Variants in PLAC1 observed in about 807,000 individuals in gnomAD.
PLAC1 encodes the protein placenta associated 1, also known as placenta-specific protein 1.
For missense variants in PLAC1, 136 were observed against 163.2 expected (o/e 0.83, Z 0.91); for synonymous variants, 68 against 62.1 (o/e 1.09, Z -0.44).
intron 1 of PLAC1, among the ~76,000 whole-genome samples, chrX:134,620,494 T>A (rs1034669359): frequency 8.9e-6 from 1 of 112,331 alleles, no homozygotes; most frequent in African/African-American, 3.2e-5. Context: ...AAGTCATAGA[T>A]CCTATGTGGT....
At chrX:134,655,317 ATCAG>A (rs1243747987) in intron 1 of PLAC1, among the ~76,000 whole-genome samples, 9 of 97,528 alleles carry the variant, frequency 9.2e-5, no homozygotes, top group Non-Finnish European at 1.2e-4. Context: ...TTCTGTTTCT[ATCAG>A]TCAATCTATT....
intron 1 of PLAC1, among the ~76,000 whole-genome samples, chrX:134,610,992 C>T (rs1441389576): frequency 9.1e-6 from 1 of 110,456 alleles, no homozygotes; most frequent in Non-Finnish European, 1.9e-5. Flanking sequence ...CCTCCTACCT[C>T]AGCCTTCTGA....
At chrX:134,675,945 G>A (rs917712128) in intron 2 of PLAC1, among the ~76,000 whole-genome samples, 1 of 111,653 alleles carries the variant, frequency 9.0e-6, no homozygotes, top group African/African-American at 3.3e-5. Context: ...CAAGAGGGGA[G>A]GCTAGAACAA....
chrX:134,603,718 A>G (rs990556497), intron 1 of PLAC1, among the ~76,000 whole-genome samples: 3 of 110,814 alleles, frequency 2.7e-5, no homozygotes, highest in Admixed American at 1.9e-4. Context: ...CTGGGAATCC[A>G]GAAACCTGAT....
At chrX:134,716,522 T>C (rs1404228402) in intron 2 of PLAC1, among the ~76,000 whole-genome samples, 2 of 111,998 alleles carry the variant, frequency 1.8e-5, no homozygotes, top group Admixed American at 1.9e-4. Context: ...GTGGCTTGAG[T>C]TTTCCATATA....
chrX:134,589,271 C>T (rs768670453), intron 2 of PLAC1, among the ~76,000 whole-genome samples: 33 of 111,037 alleles, frequency 3.0e-4, no homozygotes, highest in Middle Eastern at 4.6e-3. Flanking sequence ...GGATGGAAAT[C>T]GTAATTTTTA....
intron 1 of PLAC1, among the ~76,000 whole-genome samples, chrX:134,750,683 G>A (rs1483081470): frequency 3.0e-5 from 3 of 100,428 alleles, no homozygotes; most frequent in Non-Finnish European, 5.9e-5. Context: ...ATGACCGGAC[G>A]CAGTGGCTCA....
chrX:134,623,932 G>A (rs1449055107), intron 1 of PLAC1, among the ~76,000 whole-genome samples: 1 of 112,086 alleles, frequency 8.9e-6, no homozygotes, highest in African/African-American at 3.2e-5. Context: ...TAAAGAAAGA[G>A]TTGGAAAATA....
intron 1 of PLAC1, among the ~76,000 whole-genome samples, chrX:134,621,369 C>G (rs111760871): frequency 1.9e-5 from 2 of 103,162 alleles, no homozygotes; most frequent in Admixed American, 2.1e-4. Context: ...TCGCTTGAAC[C>G]CGGGAGGTGG....
intron 2 of PLAC1, among the ~76,000 whole-genome samples, chrX:134,590,643 T>A (rs1027577821): frequency 2.7e-5 from 3 of 110,761 alleles, no homozygotes; most frequent in Non-Finnish European, 3.8e-5. Flanking sequence ...TGAGACAGAG[T>A]CCCACTCTGT....
intron 2 of PLAC1, among the ~76,000 whole-genome samples, chrX:134,724,135 A>T (rs1484107252): frequency 8.9e-6 from 1 of 112,367 alleles, no homozygotes; most frequent in Non-Finnish European, 1.9e-5. Context: ...ACGCAATGCC[A>T]GGTGGGATCC....
intron 2 of PLAC1, among the ~76,000 whole-genome samples, chrX:134,726,290 A>G (rs1482294856): frequency 9.0e-6 from 1 of 111,267 alleles, no homozygotes; most frequent in African/African-American, 3.3e-5. Context: ...TATAAATTCT[A>G]TTTCCTACCC....
chrX:134,591,424 G>A (rs2078038784), intron 2 of PLAC1, among the ~76,000 whole-genome samples: 1 of 112,700 alleles, frequency 8.9e-6, no homozygotes. Context: ...CAATGGCAGA[G>A]GAGTGAGGAG....
chrX:134,578,412 CA>C (rs1344663898), intron 2 of PLAC1, among the ~76,000 whole-genome samples: 208 of 25,030 alleles, frequency 8.3e-3, no homozygotes, highest in African/African-American at 0.022. Flanking sequence ...GACTCTGTCT[CA>C]AAAAAAAAAA....
intron 1 of PLAC1, among the ~76,000 whole-genome samples, chrX:134,754,243 A>G (rs1277072621): frequency 1.8e-5 from 2 of 112,249 alleles, no homozygotes; most frequent in East Asian, 2.8e-4. Flanking sequence ...CAAAGCTTCA[A>G]CAAAATCCAG....
chrX:134,592,025 C>A lies in PLAC1; in HGVS notation c.-59+10026G>T, dbSNP rs746639887. ...CTGTTGAGTTTTTTAAAGTTCTTAA[C>A]GTATTCTAGATATGTGTCAGTTGTC... On this transcript the variant is annotated intron_variant, in intron 2 of 2. Transcript: ENST00000359237. 6.3e-5 allele frequency among the ~76,000 whole-genome samples: 7 copies of A among 111,785 alleles called. 1 individual carries two copies. In the Middle Eastern group the frequency reaches 0.014, roughly 224 times the overall value.
rs1569414725 is a variant in PLAC1 at position 134,750,897 on chromosome X, ATTTATATATATATTTATATATATATATT to A, written n.89+13309_89+13336del. Among the ~76,000 whole-genome samples the A allele has an allele frequency of 1.1e-3, 12 of 11,401 alleles. 1 individual carries two copies. In the Admixed American group the frequency reaches 0.019, roughly 18 times the overall value. The allele number at this position is 11,401 out of a possible 115,157, so 9.9% of individuals were successfully genotyped here. ...TATATTTATAAATATATATATATAT[ATTTATATATATATTTATATATATATATT>A]TTTATATATATATATTTATAAATAT... On this transcript the variant is annotated intron_variant and non_coding_transcript_variant, in intron 1 of 2. Coordinates refer to the PLAC1 transcript ENST00000466797.
chrX:134,750,923 ATT>A lies in PLAC1; in HGVS notation n.89+13309_89+13310del, dbSNP rs1174467435. 8.4e-4 allele frequency among the ~76,000 whole-genome samples: 17 copies of A among 20,231 alleles called. 5 individuals are homozygous for A. Among genetic ancestry groups the A allele is most frequent in the African/African-American group, 7.5e-3 (16 of 2,135 alleles). The allele number at this position is 20,231 out of a possible 115,157, so 17.6% of individuals were successfully genotyped here. A position where few individuals can be genotyped will look rare whatever the true frequency, so the allele number is the denominator to read the frequency against. On this transcript the variant is annotated intron_variant and non_coding_transcript_variant, in intron 1 of 2. Transcript: ENST00000466797. ...TTTATATATATATTTATATATATAT[ATT>A]TTTATATATATATATTTATAAATAT...
intron 1 of PLAC1, among the ~76,000 whole-genome samples, chrX:134,762,151 C>T (rs2078771189): frequency 1.8e-5 from 2 of 108,334 alleles, no homozygotes; most frequent in Admixed American, 9.8e-5. Flanking sequence ...GGAACCTAAG[C>T]AAACATCAGT....
Sources: gnomAD v4.1 joint callset for allele counts (sites outside exome capture counted in the v4.1 genomes callset) on GRCh38, gnomAD v4.1.1 for gene constraint, MANE v1.5 for transcripts, NCBI Gene and HGNC (gene_info 2026-07-23, HGNC 2026-07-21) for gene names.